The following SLC25A18 variants were observed in gnomAD, a reference collection of about 807,000 sequenced individuals.
SLC25A18 encodes mitochondrial glutamate carrier 2.
In SLC25A18, 24 loss-of-function variants were observed where a neutral mutation model predicts 31.1. The ratio of observed to expected loss-of-function variants is 0.77; its 90% confidence interval spans 0.56 to 1.08. The LOEUF is 1.08. Among genes scored for constraint, SLC25A18 ranks in the 50% least tolerant of loss-of-function variants. The pLI, the probability that SLC25A18 is intolerant of heterozygous loss-of-function variation, is 0.00. For synonymous variants in SLC25A18, 173 were observed against 161.9 expected (o/e 1.07, Z -0.52); for missense variants, 371 against 418.5 (o/e 0.89, Z 0.99).
chr22:17,588,105 T>C, intron 9 of SLC25A18, 26 bp downstream of exon 9: 1 of 1,613,154 alleles, frequency 6.2e-7, no homozygotes, highest in Non-Finnish European at 8.5e-7. Context: ...ACGTGTCCTT[T>C]CTATGGGATA....
intron 7 of SLC25A18, among the ~76,000 whole-genome samples, chr22:17,585,650 ATTTT>A (rs143835144): frequency 5.8e-4 from 79 of 137,220 alleles, no homozygotes; most frequent in African/African-American, 2.0e-3. Context: ...TATTATTATT[ATTTT>A]TTTTTTTTTT....
Position 17,590,220 on chromosome 22 carries a change from TAA to T in SLC25A18, c.934_935del (p.Lys312ValfsTer3), listed in dbSNP as rs761487469. 6.2e-7 allele frequency: 1 copy of T among 1,614,218 alleles called. No individual in the cohort carries two copies. The highest frequency in any genetic ancestry group is 1.1e-5 in the South Asian group (1 of 91,070). The stretch of plus-strand genomic sequence containing the variant: ...TTTATTGGGATTGGAGAGCGCATCT[TAA>T]AGTGTTTTGACTAGACAGAGCTGGA... On this transcript the variant is annotated frameshift_variant, in exon 11 of 11. Coordinates refer to ENST00000327451, the MANE Select transcript of SLC25A18 (RefSeq NM_031481.3). LOFTEE classifies it high-confidence loss of function.
intron 2 of SLC25A18, among the ~76,000 whole-genome samples, chr22:17,576,403 C>G (rs1380671878): frequency 6.6e-6 from 1 of 152,128 alleles, no homozygotes; most frequent in African/African-American, 2.4e-5. Flanking sequence ...GTGCCGGAAC[C>G]AGTAGGAATT....
intron 1 of SLC25A18, among the ~76,000 whole-genome samples, chr22:17,565,063 ATTCT>A (rs1271017974): frequency 1.3e-5 from 2 of 151,504 alleles, no homozygotes; most frequent in African/African-American, 4.9e-5. Flanking sequence ...GTGCAGACTC[ATTCT>A]GTTTTTGTTT....
chr22:17,589,035 C>T (rs1479169195), intron 9 of SLC25A18: 1 of 149,520 alleles, frequency 6.7e-6, no homozygotes, highest in Non-Finnish European at 1.5e-5. Flanking sequence ...GCACTCCAGC[C>T]TGGGCAACAG....
At chr22:17,584,469 G>GAGAGAGAGAGAA (rs1555951532) in intron 7 of SLC25A18, among the ~76,000 whole-genome samples, 1 of 121,626 alleles carries the variant, frequency 8.2e-6, no homozygotes, top group African/African-American at 3.7e-5. Flanking sequence ...GAGAGAGAGA[G>GAGAGAGAGAGAA]AGAAAGAAAG....
intron 2 of SLC25A18, among the ~76,000 whole-genome samples, chr22:17,572,932 C>G (rs112580218): frequency 6.6e-6 from 1 of 152,060 alleles, no homozygotes; most frequent in Non-Finnish European, 1.5e-5. Flanking sequence ...TGAGCCATGG[C>G]GCCCAGCCCT....
intron 5 of SLC25A18, chr22:17,581,628 A>C: frequency 1.8e-6 from 1 of 569,534 alleles, no homozygotes; most frequent in Non-Finnish European, 3.1e-6. Context: ...CCACCGCCTC[A>C]GTAAGAGCAG....
intron 1 of SLC25A18, among the ~76,000 whole-genome samples, chr22:17,568,316 G>A (rs1410647873): frequency 6.7e-6 from 1 of 148,596 alleles, no homozygotes; most frequent in Non-Finnish European, 1.5e-5. Flanking sequence ...GCAGTGAGCC[G>A]AGATGGCACC....
In SLC25A18 at chr22:17,586,810, G is replaced by A. The variant is rs116046879; in HGVS notation, c.410-326G>A. Among the ~76,000 whole-genome samples the A allele has an allele frequency of 7.0e-3, 1,066 of 152,282 alleles. 10 individuals are homozygous for A. The highest frequency in any genetic ancestry group is 0.024 in the African/African-American group (995 of 41,566). ...TAGGCTGAGAAATGGTTTAGAAATGGAAGCCAGATCAAAACCAGTTTTAAT... is the reference window on the plus strand; with the variant it reads ...TAGGCTGAGAAATGGTTTAGAAATGAAAGCCAGATCAAAACCAGTTTTAAT... On this transcript the variant is annotated intron_variant, in intron 7 of 10. Transcript: ENST00000327451.
chr22:17,581,612 C>T (rs1241849596), intron 5 of SLC25A18, 199 bp downstream of exon 5: 1 of 585,612 alleles, frequency 1.7e-6, no homozygotes, highest in African/African-American at 1.9e-5. Context: ...CAGAGCACAC[C>T]CCCCGCCACC....
intron 2 of SLC25A18, among the ~76,000 whole-genome samples, chr22:17,572,353 C>T (rs528652425): frequency 4.1e-5 from 6 of 147,690 alleles, no homozygotes; most frequent in South Asian, 4.3e-4. Context: ...GGCATGCTGG[C>T]GCATGCCTGT....
chr22:17,574,620 G>A (rs1376904498), intron 2 of SLC25A18, among the ~76,000 whole-genome samples: 3 of 149,670 alleles, frequency 2.0e-5, no homozygotes, highest in South Asian at 2.1e-4. Context: ...GGGTTCAAGC[G>A]ATTCTCCTGC....
At chr22:17,575,229 C>G (rs2057203257) in intron 2 of SLC25A18, among the ~76,000 whole-genome samples, 1 of 152,194 alleles carries the variant, frequency 6.6e-6, no homozygotes, top group Admixed American at 6.5e-5. Flanking sequence ...TCAGCACGCA[C>G]TGTCTAAGCC....
Position 17,590,442 on chromosome 22 carries a change from T to C in SLC25A18, c.*206T>C. 1.8e-6 allele frequency: 1 copy of C among 547,584 alleles called. No homozygotes were observed. The highest frequency in any genetic ancestry group is 3.1e-6 in the Non-Finnish European group (1 of 325,510). 33.9% of individuals were successfully genotyped at this position (547,584 alleles called of 1,614,324 possible). On this transcript the variant is annotated 3_prime_UTR_variant, in exon 11 of 11. Coordinates refer to ENST00000327451, the MANE Select transcript of SLC25A18 (RefSeq NM_031481.3). ...CTTCGTGTCTACACTCGTTTTCCTTTGTGGGCACAGCTACCAGGGGCTTTT... is the reference window on the plus strand; with the variant it reads ...CTTCGTGTCTACACTCGTTTTCCTTCGTGGGCACAGCTACCAGGGGCTTTT...
chr22:17,590,557 T>G lies in SLC25A18; in HGVS notation c.*321T>G, dbSNP rs2057687425. 1 of 242,244 alleles carries G rather than the reference T, an allele frequency of 4.1e-6. No individual in the cohort carries two copies. Among genetic ancestry groups the G allele is most frequent in the Admixed American group, 4.9e-5 (1 of 20,298 alleles). The allele number at this position is 242,244 out of a possible 1,614,324, so 15.0% of individuals were successfully genotyped here. On this transcript the variant is annotated 3_prime_UTR_variant, in exon 11 of 11. Coordinates refer to ENST00000327451, the MANE Select transcript of SLC25A18 (RefSeq NM_031481.3). ...TAACAGGTAGTCACAATAGAAGGGT[T>G]GTTTCTGTATTTTAACATTTCTATT...
At chr22:17,584,499 G>A (rs1177861371) in intron 7 of SLC25A18, among the ~76,000 whole-genome samples, 2 of 150,736 alleles carry the variant, frequency 1.3e-5, no homozygotes, top group Non-Finnish European at 2.9e-5. Flanking sequence ...AAGAAATGCC[G>A]CCCAGCGTGG....
At position 17,579,958 on chromosome 22, in the gene SLC25A18, A is replaced by T. The variant is rs944020888; in HGVS notation, c.14A>T (p.Asp5Val). The T allele has an allele frequency of 1.9e-6, 3 of 1,611,020 alleles. No individual in the cohort carries two copies. In the African/African-American group the frequency reaches 4.0e-5, roughly 22 times the overall value. The change falls in exon 3 of 11, where the codon GAT (aspartate) becomes GTT (valine). Residue 5 changes from aspartate (D) to valine (V), a missense_variant. Physicochemically the swap from Asp to Val is radical, Grantham distance 152. Coordinates refer to ENST00000327451, the MANE Select transcript of SLC25A18 (RefSeq NM_031481.3). MTHQ[D>V]LSITAKLING... is the part of the protein sequence containing the mutation. Reference sequence around the variant, plus strand: ...AGCCCCTGCAGAATGACCCACCAGGATCTGAGGTGAGCTCGGCTGGGGCAG... The same window carrying T: ...AGCCCCTGCAGAATGACCCACCAGGTTCTGAGGTGAGCTCGGCTGGGGCAG...
At chr22:17,569,151 G>A (rs2057022962) in intron 1 of SLC25A18, among the ~76,000 whole-genome samples, 4 of 150,870 alleles carry the variant, frequency 2.7e-5, no homozygotes, top group Admixed American at 2.6e-4. Flanking sequence ...TGGGACTACA[G>A]GCGCCCGCCA....
Sources: gnomAD v4.1 joint callset for allele counts (sites outside exome capture counted in the v4.1 genomes callset) on GRCh38, gnomAD v4.1.1 for gene constraint, MANE v1.5 for transcripts, NCBI Gene and HGNC (gene_info 2026-07-23, HGNC 2026-07-21) for gene names.